Variants in JCAD observed in about 807,000 individuals in gnomAD.
The protein encoded by JCAD is junctional cadherin 5 associated.
A neutral mutation model predicts 98.0 loss-of-function variants in JCAD; 40 were observed. The observed-to-expected ratio is 0.41, with a 90% confidence interval of 0.32 to 0.53. The LOEUF is 0.53. JCAD is among the 20% of genes least tolerant of loss of function. JCAD has a pLI of 0.31. For synonymous variants in JCAD, 691 were observed against 682.3 expected, an observed-to-expected ratio of 1.01 and a Z score of -0.20; for missense variants, 1,705 against 1,738.1, an observed-to-expected ratio of 0.98 and a Z score of 0.34.
intron 3 of JCAD, among the ~76,000 whole-genome samples, chr10:30,020,385 A>G (rs1013667397): frequency 6.6e-6 from 1 of 152,040 alleles, no homozygotes; most frequent in African/African-American, 2.4e-5. Flanking sequence ...TCTGAAATCC[A>G]TCTGGACAAC....
rs777638073 is a variant in JCAD at position 30,047,701 on chromosome 10, G to C, written c.112C>G (p.Arg38Gly). 2 of 1,614,124 alleles carry C rather than the reference G, an allele frequency of 1.2e-6. No homozygotes were observed. Among genetic ancestry groups the C allele is most frequent in the African/African-American group, 1.3e-5 (1 of 74,944 alleles). The change falls in exon 2 of 4, where the codon CGA (arginine) becomes GGA (glycine). Residue 38 changes from arginine to glycine, a missense_variant. Arg to Gly is a moderately radical substitution (Grantham distance 125, BLOSUM62 -2). Around this residue, in one of 3 missense-constraint regions of JCAD, gnomAD observed 152 missense variants for 148.0 expected, o/e 1.03. Transcript: ENST00000375377. ...KGRQAARTGT[R>G]AGQGLQNGHE... The stretch of plus-strand genomic sequence containing the variant: ...CCGTTCTGCAGGCCCTGGCCTGCTC[G>C]TGTCCCAGTCCTCGCTGCCTGGCGC...
At chr10:30,077,475 C>T (rs778483810) in intron 1 of JCAD, among the ~76,000 whole-genome samples, 7 of 152,242 alleles carry the variant, frequency 4.6e-5, no homozygotes, top group African/African-American at 1.4e-4. Context: ...TTAAAGTATA[C>T]GTTTCAGTGG....
intron 2 of JCAD, among the ~76,000 whole-genome samples, chr10:30,042,006 G>T (rs1837252074): frequency 6.6e-6 from 1 of 152,092 alleles, no homozygotes; most frequent in South Asian, 2.1e-4. Context: ...GTGTGTTTCA[G>T]CAGGCAAGCT....
intron 1 of JCAD, among the ~76,000 whole-genome samples, chr10:30,095,039 C>T (rs1838346340): frequency 6.6e-6 from 1 of 152,148 alleles, no homozygotes; most frequent in Non-Finnish European, 1.5e-5. Flanking sequence ...GCCGGTGCAC[C>T]TCCAGCTAGG....
In JCAD at chr10:30,047,550, G is replaced by A. The variant is rs1028388958; in HGVS notation, c.263C>T (p.Ser88Phe). ...AACTTACCCCGCCTCCGAGGTTCTG[G>A]AAGCAGAAGTGCTCTGGGGCTCCCC... ...GHGEPQSTSA[S>F]RTSEAGFCNQ... Residue 88 changes from serine to phenylalanine, a missense_variant, in exon 2 of 4, where the codon TCC (serine) becomes TTC (phenylalanine). This residue lies in a region of JCAD where 152 missense variants were observed against 148.0 expected (regional missense o/e 1.03). Coordinates refer to ENST00000375377, the MANE Select transcript of JCAD (RefSeq NM_020848.4). 9.9e-6 allele frequency: 16 copies of A among 1,612,588 alleles called. No individual in the cohort carries two copies. In the East Asian group the frequency reaches 2.7e-4, roughly 27 times the overall value.
At position 30,026,308 on chromosome 10, in the gene JCAD, G is replaced by A. The variant is rs754011220; in HGVS notation, c.3840C>T (p.Asp1280=). Residue 1280 remains aspartate (D), a synonymous_variant, in exon 3 of 4, where the codon GAC becomes GAT. Coordinates refer to ENST00000375377, the MANE Select transcript of JCAD (RefSeq NM_020848.4). ...TCAATTCCTCGGCGTCCTCCTGGGA[G>A]TCGGCATTCCTGAAGCTCAGGACTC... ...RMRVLSFRNA[D]SQEDAEELKA... 2 of 1,614,062 alleles carry A rather than the reference G, an allele frequency of 1.2e-6. No homozygotes were observed. Among genetic ancestry groups the A allele is most frequent in the Non-Finnish European group, 1.7e-6 (2 of 1,180,030 alleles).
At chr10:30,083,137 C>A (rs983091178) in intron 1 of JCAD, among the ~76,000 whole-genome samples, 11 of 152,058 alleles carry the variant, frequency 7.2e-5, no homozygotes, top group African/African-American at 2.7e-4. Flanking sequence ...CATAGTTTTC[C>A]TATCCCCATT....
intron 2 of JCAD, among the ~76,000 whole-genome samples, chr10:30,032,808 C>G (rs1203298101): frequency 1.3e-5 from 2 of 152,156 alleles, no homozygotes; most frequent in African/African-American, 4.8e-5. Flanking sequence ...GTAGCACAAA[C>G]AGCAGCAGCT....
Position 30,029,146 on chromosome 10 carries a change from T to C in JCAD, c.1002A>G (p.Gly334=), listed in dbSNP as rs1554795744. ...PRHELCLSDP[G]LEPPVYVPPP... ...GAGGCACGTACACTGGAGGTTCCAATCCAGGGTCTGACAGGCAGAGCTCAT... is the reference window on the plus strand; with the variant it reads ...GAGGCACGTACACTGGAGGTTCCAACCCAGGGTCTGACAGGCAGAGCTCAT... The change falls in exon 3 of 4, where the codon GGA becomes GGG. Residue 334 remains glycine, a synonymous_variant. Coordinates refer to ENST00000375377, the MANE Select transcript of JCAD (RefSeq NM_020848.4). The C allele has an allele frequency of 6.2e-7, 1 of 1,614,142 alleles. No individual in the cohort carries two copies. The highest frequency in any genetic ancestry group is 1.3e-5 in the African/African-American group (1 of 75,048).
chr10:30,083,652 C>T (rs975796469), intron 1 of JCAD, among the ~76,000 whole-genome samples: 1 of 152,162 alleles, frequency 6.6e-6, no homozygotes, highest in Non-Finnish European at 1.5e-5. Context: ...CATAGTTTTA[C>T]ATGGAAATGA....
chr10:30,115,416 C>T (rs1838774681), exon 1 of JCAD: 1 of 152,196 alleles, frequency 6.6e-6, no homozygotes, highest in South Asian at 2.1e-4. Flanking sequence ...TTGAATTTTT[C>T]AAAAGCCCCT....
In JCAD at chr10:30,014,776, A is replaced by G. The variant is rs1836500695; in HGVS notation, c.*3107T>C. The G allele has an allele frequency of 6.6e-6, 1 of 152,216 alleles. No homozygotes were observed. The highest frequency in any genetic ancestry group is 1.5e-5 in the Non-Finnish European group (1 of 68,044). 9.4% of individuals were successfully genotyped at this position (152,216 alleles called of 1,614,324 possible). ...TTTTAAAACGTAAACTTCCATTAAC[A>G]ACGGCCCTTCACCAACAGTAAAATG... On this transcript the variant is annotated 3_prime_UTR_variant, in exon 4 of 4. Transcript: ENST00000375377.
In JCAD at chr10:30,027,563, C is replaced by CT. The variant is rs1836856646; in HGVS notation, c.2584dup (p.Ser862LysfsTer2). ...GTTCTCCTGCTGCGGCTCCGCCTCA[C>CT]TCTCCTCACTGCTGCTGCTGCTGCT... On this transcript the variant is annotated frameshift_variant, in exon 3 of 4. Transcript: ENST00000375377. LOFTEE classifies it high-confidence loss of function. 4.3e-6 allele frequency: 7 copies of CT among 1,614,060 alleles called. No homozygotes were observed. The highest frequency in any genetic ancestry group is 5.9e-6 in the Non-Finnish European group (7 of 1,180,038).
At chr10:30,076,669 G>A (rs1837986391) in intron 1 of JCAD, among the ~76,000 whole-genome samples, 1 of 152,078 alleles carries the variant, frequency 6.6e-6, no homozygotes, top group Non-Finnish European at 1.5e-5. Flanking sequence ...TTATCTATGT[G>A]CAGCTAGAAC....
Position 30,028,799 on chromosome 10 carries a change from T to C in JCAD, c.1349A>G (p.Asp450Gly), listed in dbSNP as rs1172950463. ...GACAGGACTGGAGTTATATGATTTA[T>C]CGTCAAGCTTTATGTCTTCACAGAA... Reference protein sequence around the residue: ...QGFCEDIKLDDKSYNSSPVTA... With the variant: ...QGFCEDIKLDGKSYNSSPVTA... Residue 450 changes from aspartate to glycine, a missense_variant, in exon 3 of 4, where the codon GAT becomes GGT. Transcript: ENST00000375377. 1.2e-6 allele frequency: 2 copies of C among 1,614,122 alleles called. No individual in the cohort carries two copies. Among genetic ancestry groups the C allele is most frequent in the Admixed American group, 3.3e-5 (2 of 60,012 alleles).
intron 1 of JCAD, among the ~76,000 whole-genome samples, chr10:30,050,263 C>T (rs561381779): frequency 7.7e-6 from 1 of 129,278 alleles, no homozygotes; most frequent in East Asian, 2.5e-4. Flanking sequence ...GGCCATGAGC[C>T]AAAATCATGC....
At chr10:30,103,215 T>G (rs1217204409) in intron 1 of JCAD, among the ~76,000 whole-genome samples, 3 of 152,176 alleles carry the variant, frequency 2.0e-5, no homozygotes, top group African/African-American at 7.2e-5. Flanking sequence ...CTGAGGGACA[T>G]TTAGGTTGTT....
intron 1 of JCAD, among the ~76,000 whole-genome samples, chr10:30,107,052 G>A (rs918082022): frequency 2.6e-5 from 4 of 152,216 alleles, no homozygotes; most frequent in African/African-American, 7.2e-5. Context: ...TTGGGACAGA[G>A]CCTTGCACAT....
intron 1 of JCAD, among the ~76,000 whole-genome samples, chr10:30,110,960 CT>C (rs768850165): frequency 8.5e-5 from 13 of 152,190 alleles, no homozygotes; most frequent in Non-Finnish European, 1.5e-4. Context: ...TATGGACCCC[CT>C]GATGTATGGA....
Sources: gnomAD v4.1 joint callset for allele counts (sites outside exome capture counted in the v4.1 genomes callset) on GRCh38, gnomAD v4.1.1 for gene constraint, gnomAD v4.1.1 regional missense constraint, MANE v1.5 for transcripts, NCBI Gene and HGNC (gene_info 2026-07-23, HGNC 2026-07-21) for gene names.